Variants in IFNAR2 observed in about 807,000 individuals in gnomAD.
IFNAR2 encodes interferon alpha/beta receptor 2.
A neutral mutation model predicts 49.4 loss-of-function variants in IFNAR2; 30 were observed. That is an observed-to-expected ratio of 0.61 (90% confidence interval 0.45 to 0.82). The LOEUF is 0.82. Among genes scored for constraint, IFNAR2 ranks in the 40% least tolerant of loss-of-function variants. IFNAR2 has a pLI of 0.00. For synonymous variants in IFNAR2, 224 were observed against 234.5 expected (o/e 0.96, Z 0.41); for missense variants, 600 against 622.7 (o/e 0.96, Z 0.39).
rs372212285 is a variant in IFNAR2, at chr21:33,245,053, C to T, written c.200C>T (p.Thr67Ile). 3 of 1,610,024 alleles carry T rather than the reference C, an allele frequency of 1.9e-6. No homozygotes were observed. The highest frequency in any genetic ancestry group is 4.5e-5 in the East Asian group (2 of 44,848). Residue 67 changes from threonine (T) to isoleucine (I), a missense_variant, in exon 4 of 9, where the codon ACA becomes ATA. By Grantham distance (89) the Thr-to-Ile change is moderately conservative. Coordinates refer to ENST00000342136, the MANE Select transcript of IFNAR2 (RefSeq NM_001289125.3). ...KNHSIVPTHY[T>I]LLYTIMSKPE... is the part of the protein sequence containing the mutation. ...CACTCCATTGTACCAACTCACTATA[C>T]ATTGCTGTATACAATCATGAGGTTG...
Position 33,263,380 on chromosome 21 carries a change from G to A in IFNAR2, c.1428G>A (p.Gly476=), listed in dbSNP as rs764185018. The A allele has an allele frequency of 1.2e-6, 2 of 1,614,160 alleles. No individual in the cohort carries two copies. Among genetic ancestry groups the A allele is most frequent in the Non-Finnish European group, 1.7e-6 (2 of 1,180,040 alleles). ...ACCATTTGCTGGCCAGCGGGGAAGG[G>A]ACACAGCCAACCTTTCCCAGCCCCT... ...QSNHLLASGE[G]TQPTFPSPSS... Residue 476 remains glycine, a synonymous_variant, in exon 9 of 9, where the codon GGG becomes GGA. Coordinates refer to ENST00000342136, the MANE Select transcript of IFNAR2 (RefSeq NM_001289125.3).
chr21:33,252,795 T>TA lies in IFNAR2; in HGVS notation c.678dup (p.Cys227MetfsTer49). On this transcript the variant is annotated frameshift_variant, in exon 7 of 9. Transcript: ENST00000342136. LOFTEE classifies it high-confidence loss of function. ...GAGCAAGCAGTAATAAAGTCTCCCT[T>TA]AAAATGCACCCTCCTTCCACCTGGC... is the stretch of plus-strand genomic sequence containing the variant. 6.2e-7 allele frequency: 1 copy of TA among 1,614,026 alleles called. No homozygotes were observed.
intron 1 of IFNAR2, among the ~76,000 whole-genome samples, chr21:33,240,390 A>C (rs980198630): frequency 6.6e-6 from 1 of 152,238 alleles, no homozygotes; most frequent in African/African-American, 2.4e-5. Context: ...GTAGTTGGCT[A>C]TGCTATCTAG....
In IFNAR2 at chr21:33,230,960, G is replaced by T. The variant is rs1487228104; in HGVS notation, c.-84+744G>T. The stretch of plus-strand genomic sequence containing the variant: ...CCATCAGCCCGTTTATTTGGTTAGC[G>T]ATGGTTATATTGACTCTGAGTATTC... On this transcript the variant is annotated intron_variant, in intron 1 of 8. Transcript: ENST00000342136. This position sits in a 1 kb window ranked among gnomAD's most constrained non-coding sequence, Gnocchi z 5.5. 6.6e-6 allele frequency among the ~76,000 whole-genome samples: 1 copy of T among 152,204 alleles called. No individual in the cohort carries two copies. The highest frequency in any genetic ancestry group is 1.5e-5 in the Non-Finnish European group (1 of 68,036).
intron 7 of IFNAR2, among the ~76,000 whole-genome samples, chr21:33,256,247 AT>A (rs2054147778): frequency 6.6e-6 from 1 of 152,026 alleles, no homozygotes; most frequent in African/African-American, 2.4e-5. Flanking sequence ...AGGTCATTCC[AT>A]TTTTACTTGG....
chr21:33,246,626 C>T, intron 4 of IFNAR2, 92 bp from the exon 5 acceptor site: 1 of 883,524 alleles, frequency 1.1e-6, no homozygotes, highest in Admixed American at 2.6e-5. Flanking sequence ...TGGGCAGAGC[C>T]CTAAAGGAAA....
At chr21:33,261,496 A>T (rs554067276) in intron 8 of IFNAR2, among the ~76,000 whole-genome samples, 1 of 152,222 alleles carries the variant, frequency 6.6e-6, no homozygotes, top group Admixed American at 6.5e-5. Flanking sequence ...GATGAATAGT[A>T]CAATAAACAT....
chr21:33,243,820 C>T, intron 3 of IFNAR2, 106 bp downstream of exon 3: 1 of 846,432 alleles, frequency 1.2e-6, no homozygotes, highest in Non-Finnish European at 2.0e-6. Context: ...GATTGTACAT[C>T]TGTTGCCTGT....
chr21:33,250,438 T>C (rs1351500455), intron 6 of IFNAR2, among the ~76,000 whole-genome samples: 2 of 152,214 alleles, frequency 1.3e-5, no homozygotes, highest in African/African-American at 4.8e-5. Context: ...AAAAATAAGC[T>C]ACTAGTATAA....
At chr21:33,248,900 A>G (rs746437951) in intron 6 of IFNAR2, 46 bp downstream of exon 6, 2 of 1,330,180 alleles carry the variant, frequency 1.5e-6, no homozygotes, top group Non-Finnish European at 2.1e-6. Context: ...TGAGTGGGCA[A>G]TCAATGCACT....
rs1256770873 is a variant in IFNAR2 at position 33,248,703 on chromosome 21, GCA to G, written c.395-3_395-2del. 1.8e-5 allele frequency: 29 copies of G among 1,590,626 alleles called. No homozygotes were observed. Among genetic ancestry groups the G allele is most frequent in the Non-Finnish European group, 2.3e-5 (27 of 1,170,940 alleles). On this transcript the variant is annotated splice_region_variant and splice_polypyrimidine_tract_variant and intron_variant, in intron 5 of 8. Coordinates refer to ENST00000342136, the MANE Select transcript of IFNAR2 (RefSeq NM_001289125.3). The stretch of plus-strand genomic sequence containing the variant: ...ATATTCCTGTCTGTTTTTGTTTTTT[GCA>G]CAGTGTCTTTTGAACCACCAGAGTT...
At position 33,241,899 on chromosome 21, in the gene IFNAR2, G is replaced by A. The variant is rs754477131; in HGVS notation, c.-24G>A. ...TGTTGATTTCAGATGTAAAAGTCAA[G>A]AGAAGACTCTAAAAATAGCAAAGAT... is the stretch of plus-strand genomic sequence containing the variant. On this transcript the variant is annotated 5_prime_UTR_variant, in exon 2 of 9. Coordinates refer to ENST00000342136, the MANE Select transcript of IFNAR2 (RefSeq NM_001289125.3). The A allele has an allele frequency of 3.7e-6, 6 of 1,609,800 alleles. 1 individual carries two copies. The highest frequency in any genetic ancestry group is 1.1e-5 in the South Asian group (1 of 90,738).
intron 3 of IFNAR2, among the ~76,000 whole-genome samples, chr21:33,244,134 T>C (rs1043092915): frequency 5.3e-5 from 8 of 152,192 alleles, no homozygotes; most frequent in African/African-American, 1.7e-4. Flanking sequence ...TCCACAAAAC[T>C]TCACTAAGTA....
intron 4 of IFNAR2, among the ~76,000 whole-genome samples, chr21:33,246,339 G>A (rs1987405016): frequency 6.6e-6 from 1 of 152,144 alleles, no homozygotes; most frequent in Admixed American, 6.5e-5. Flanking sequence ...CAAAGTGCTG[G>A]GATTACAGAC....
chr21:33,247,254 CTTT>C (rs59707670), intron 5 of IFNAR2, among the ~76,000 whole-genome samples: 2 of 91,570 alleles, frequency 2.2e-5, no homozygotes. Context: ...TTCTTTCTTT[CTTT>C]TTTTTTTTTT....
chr21:33,231,844 C>T (rs2123435474), intron 1 of IFNAR2: 1 of 174,426 alleles, frequency 5.7e-6, no homozygotes, highest in African/African-American at 2.4e-5. Context: ...TGGGTTCAAG[C>T]GATTCTTCTG....
intron 7 of IFNAR2, among the ~76,000 whole-genome samples, chr21:33,255,718 A>G (rs1282069336): frequency 6.6e-6 from 1 of 152,208 alleles, no homozygotes; most frequent in Non-Finnish European, 1.5e-5. Flanking sequence ...TACTGGCTGC[A>G]GGATTGAACT....
chr21:33,253,643 A>G (rs1988016210), intron 7 of IFNAR2, among the ~76,000 whole-genome samples: 1 of 152,204 alleles, frequency 6.6e-6, no homozygotes, highest in African/African-American at 2.4e-5. Flanking sequence ...GGAGTAAAGA[A>G]TGACTACTCT....
At chr21:33,251,158 C>T (rs1270342953) in intron 6 of IFNAR2, among the ~76,000 whole-genome samples, 2 of 152,136 alleles carry the variant, frequency 1.3e-5, no homozygotes, top group East Asian at 3.9e-4. Flanking sequence ...TGACAGAGCC[C>T]AGGAACATTC....
Sources: allele counts gnomAD v4.1 joint callset (sites outside exome capture counted in the v4.1 genomes callset), GRCh38; gene constraint gnomAD v4.1.1; non-coding constraint Gnocchi (gnomAD v3.1); transcripts MANE v1.5; gene names NCBI Gene and HGNC (gene_info 2026-07-23, HGNC 2026-07-21).